The following FOXN3 variants were observed in gnomAD, a reference collection of about 807,000 sequenced individuals.
FOXN3 encodes the protein forkhead box protein N3.
In FOXN3, 7 loss-of-function variants were observed where a neutral mutation model predicts 38.4. The observed-to-expected ratio is 0.18, with a 90% CI of 0.10 to 0.34. FOXN3 has a LOEUF of 0.34. FOXN3 is among the 10% of genes least tolerant of loss of function. FOXN3 has a pLI of 1.00. For missense variants in FOXN3, 456 were observed against 613.4 expected (o/e 0.74, Z 2.71); for synonymous variants, 230 against 242.2 (o/e 0.95, Z 0.47).
At chr14:89,402,273 C>T (rs927582424) in intron 2 of FOXN3, among the ~76,000 whole-genome samples, 2 of 152,238 alleles carry the variant, frequency 1.3e-5, no homozygotes, top group African/African-American at 4.8e-5. Context: ...GTCAGCATCT[C>T]TGCTTTACTT....
chr14:89,362,924 A>G (rs1889932492), intron 2 of FOXN3, among the ~76,000 whole-genome samples: 1 of 152,076 alleles, frequency 6.6e-6, no homozygotes, highest in African/African-American at 2.4e-5. Context: ...AGGTCCCTGA[A>G]CACCGCTTGT....
At chr14:89,192,004 ATAAT>A (rs1193724325) in intron 4 of FOXN3, among the ~76,000 whole-genome samples, 2 of 143,804 alleles carry the variant, frequency 1.4e-5, no homozygotes, top group South Asian at 2.1e-4. Flanking sequence ...ATTAGCTAAT[ATAAT>A]TAATCATTAA....
chr14:89,291,254 G>A, intron 3 of FOXN3: 1 of 436,292 alleles, frequency 2.3e-6, no homozygotes, highest in Non-Finnish European at 4.5e-6. Context: ...TTCTCTCTTT[G>A]AAGGTTTGGA....
At chr14:89,551,651 G>A (rs537620657) in intron 1 of FOXN3, among the ~76,000 whole-genome samples, 1 of 152,276 alleles carries the variant, frequency 6.6e-6, no homozygotes, top group African/African-American at 2.4e-5. Context: ...CCTCGCGGCA[G>A]GTCCTGTACA....
chr14:89,541,033 G>T (rs1894782335), intron 1 of FOXN3, among the ~76,000 whole-genome samples: 1 of 152,178 alleles, frequency 6.6e-6, no homozygotes, highest in Non-Finnish European at 1.5e-5. Flanking sequence ...GTTAGAATTG[G>T]AAGAATTCTA....
chr14:89,180,843 A>G (rs1888868011), intron 4 of FOXN3, 37 bp from the exon 5 acceptor site: 1 of 1,526,364 alleles, frequency 6.6e-7, no homozygotes, highest in Admixed American at 1.8e-5. Flanking sequence ...CCGCACGTGA[A>G]TTCAACTGTG....
chr14:89,599,957 A>C (rs1331890959), intron 1 of FOXN3, among the ~76,000 whole-genome samples: 2 of 152,210 alleles, frequency 1.3e-5, no homozygotes, highest in Non-Finnish European at 2.9e-5. Context: ...ATTTTTCTCA[A>C]GAAGATAAAA....
At chr14:89,425,378 T>C (rs1259640629) in intron 1 of FOXN3, among the ~76,000 whole-genome samples, 1 of 150,696 alleles carries the variant, frequency 6.6e-6, no homozygotes, top group Non-Finnish European at 1.5e-5. Flanking sequence ...CTGTTTTGTT[T>C]TGTTTTTGAG....
At chr14:89,511,540 C>T (rs192950081) in intron 1 of FOXN3, among the ~76,000 whole-genome samples, 17 of 151,896 alleles carry the variant, frequency 1.1e-4, no homozygotes, top group African/African-American at 3.9e-4. Context: ...TGCATCCAGC[C>T]GACCTGCCTG....
intron 1 of FOXN3, among the ~76,000 whole-genome samples, chr14:89,574,400 G>A (rs919320444): frequency 7.9e-5 from 12 of 152,172 alleles, no homozygotes; most frequent in Non-Finnish European, 1.6e-4. Context: ...CTTCTCTGGC[G>A]AGGTGGTGAT....
At chr14:89,284,579 C>G in intron 3 of FOXN3, 1 of 456,012 alleles carries the variant, frequency 2.2e-6, no homozygotes, top group Non-Finnish European at 4.4e-6. Context: ...GGCAAAGTCC[C>G]AGGCTAGAAA....
intron 4 of FOXN3, among the ~76,000 whole-genome samples, chr14:89,225,701 GAA>G (rs1884616047): frequency 6.6e-6 from 1 of 152,290 alleles, no homozygotes; most frequent in Middle Eastern, 3.4e-3. Context: ...TCACTGTCCT[GAA>G]GCATCATCCG....
At chr14:89,268,964 A>T (rs1238261700) in intron 4 of FOXN3, among the ~76,000 whole-genome samples, 1 of 152,208 alleles carries the variant, frequency 6.6e-6, no homozygotes, top group Admixed American at 6.5e-5. Flanking sequence ...CAGAGACAAA[A>T]GTCTCCCAGA....
intron 1 of FOXN3, among the ~76,000 whole-genome samples, chr14:89,606,226 C>G (rs1479982563): frequency 6.6e-6 from 1 of 152,164 alleles, no homozygotes; most frequent in East Asian, 1.9e-4. Context: ...CCAGATTAGT[C>G]TTACTATAAA....
At chr14:89,292,593 C>G (rs1025252620) in intron 3 of FOXN3, among the ~76,000 whole-genome samples, 1 of 152,206 alleles carries the variant, frequency 6.6e-6, no homozygotes, top group Non-Finnish European at 1.5e-5. Context: ...GAGCCACCCC[C>G]CTTTTCTGCC....
chr14:89,463,119 C>T (rs1300577494), intron 1 of FOXN3, among the ~76,000 whole-genome samples: 1 of 151,540 alleles, frequency 6.6e-6, no homozygotes, highest in Non-Finnish European at 1.5e-5. Context: ...GAAACCCCGT[C>T]TCTACTAAAA....
intron 1 of FOXN3, among the ~76,000 whole-genome samples, chr14:89,550,409 A>C (rs1396630927): frequency 6.6e-6 from 1 of 152,240 alleles, no homozygotes; most frequent in Non-Finnish European, 1.5e-5. Context: ...TAGCACTGCC[A>C]GCCCTTCCCC....
At chr14:89,614,408 G>A (rs932141869) in intron 1 of FOXN3, among the ~76,000 whole-genome samples, 8 of 152,146 alleles carry the variant, frequency 5.3e-5, no homozygotes. Flanking sequence ...ATTATAGACT[G>A]GGCCAGGGCT....
chr14:89,325,672 G>A (rs1307408430), intron 3 of FOXN3, among the ~76,000 whole-genome samples: 1 of 152,226 alleles, frequency 6.6e-6, no homozygotes, highest in African/African-American at 2.4e-5. Flanking sequence ...CATTGTGGGT[G>A]GTAGACACTA....
Sources: allele counts gnomAD v4.1 joint callset (sites outside exome capture counted in the v4.1 genomes callset), GRCh38; gene constraint gnomAD v4.1.1; transcripts MANE v1.5; gene names NCBI Gene and HGNC (gene_info 2026-07-23, HGNC 2026-07-21).